TMEM135: variants seen among roughly 807,000 people sequenced by gnomAD.
The protein encoded by TMEM135 is transmembrane protein 135.
A neutral mutation model predicts 60.3 loss-of-function variants in TMEM135; 30 were observed. That is an observed-to-expected ratio of 0.50 (90% CI 0.37 to 0.68). The LOEUF (loss-of-function observed/expected upper bound fraction) is 0.68. Ranked by LOEUF, TMEM135 falls within the 30% of genes least tolerant of loss-of-function variation. The pLI, the probability that TMEM135 is intolerant of heterozygous loss-of-function variation, is 0.00. For synonymous variants in TMEM135, 190 were observed against 186.7 expected (o/e 1.02, Z -0.14); for missense variants, 468 against 548.8 (o/e 0.85, Z 1.47).
At chr11:87,187,314 A>G (rs1323820557) in intron 5 of TMEM135, among the ~76,000 whole-genome samples, 5 of 152,216 alleles carry the variant, frequency 3.3e-5, no homozygotes, top group Non-Finnish European at 7.3e-5. Context: ...ATGTGTACTA[A>G]GTTGACCATG....
chr11:87,281,915 T>C (rs571004634), intron 6 of TMEM135, among the ~76,000 whole-genome samples: 21 of 152,386 alleles, frequency 1.4e-4, no homozygotes, highest in Admixed American at 1.2e-3. Context: ...TTGTTTGACA[T>C]GTAGCGTGAG....
At chr11:87,218,096 A>T (rs1940540672) in intron 5 of TMEM135, among the ~76,000 whole-genome samples, 1 of 152,060 alleles carries the variant, frequency 6.6e-6, no homozygotes, top group East Asian at 1.9e-4. Flanking sequence ...ATTGGTGGGG[A>T]TGGCAGAGGG....
In TMEM135 at chr11:87,194,041, C is replaced by A. The variant is rs566037022; in HGVS notation, c.462+36635C>A. Among the ~76,000 whole-genome samples, 6 of 152,076 alleles carry A rather than the reference C, an allele frequency of 3.9e-5. No individual in the cohort carries two copies. The South Asian group carries it at 1.2e-3, about 32-fold the overall frequency. On this transcript the variant is annotated intron_variant, in intron 5 of 14. Coordinates refer to ENST00000305494, the MANE Select transcript of TMEM135 (RefSeq NM_022918.4). ...GACATTCATGTTTATTCTTTAAAAT[C>A]TTCATAAAATGTTTTGAATCAGTTA... is the stretch of plus-strand genomic sequence containing the variant.
intron 3 of TMEM135, among the ~76,000 whole-genome samples, chr11:87,075,049 C>T (rs2135146460): frequency 6.6e-6 from 1 of 152,292 alleles, no homozygotes; most frequent in South Asian, 2.1e-4. Context: ...AAGAGATCCT[C>T]TTGCCTTAAC....
intron 1 of TMEM135, among the ~76,000 whole-genome samples, chr11:87,042,645 T>G (rs1433216113): frequency 6.6e-6 from 1 of 152,162 alleles, no homozygotes; most frequent in Non-Finnish European, 1.5e-5. Context: ...GAAGGAAGAT[T>G]TTTATCAAGA....
At chr11:87,136,968 T>C (rs1490230519) in intron 4 of TMEM135, among the ~76,000 whole-genome samples, 1 of 152,084 alleles carries the variant, frequency 6.6e-6, no homozygotes, top group African/African-American at 2.4e-5. Flanking sequence ...TTTAGTGCAA[T>C]GCTCTATAAA....
intron 1 of TMEM135, among the ~76,000 whole-genome samples, chr11:87,044,501 A>C (rs1039948871): frequency 2.0e-5 from 3 of 152,096 alleles, no homozygotes; most frequent in Non-Finnish European, 4.4e-5. Flanking sequence ...GAGACCATGG[A>C]ATTGTAAATG....
intron 6 of TMEM135, among the ~76,000 whole-genome samples, chr11:87,238,330 T>C (rs149712531): frequency 3.2e-4 from 49 of 152,142 alleles, no homozygotes; most frequent in African/African-American, 1.1e-3. Flanking sequence ...AAAAATGTCA[T>C]ATGCAAATAA....
chr11:87,209,819 A>G (rs549156409), intron 5 of TMEM135, among the ~76,000 whole-genome samples: 41 of 152,286 alleles, frequency 2.7e-4, no homozygotes, highest in Middle Eastern at 6.8e-3. Flanking sequence ...AACACCAACC[A>G]CATTATTGGA....
At chr11:87,087,960 A>G (rs963421399) in intron 3 of TMEM135, among the ~76,000 whole-genome samples, 1 of 152,106 alleles carries the variant, frequency 6.6e-6, no homozygotes, top group African/African-American at 2.4e-5. Flanking sequence ...CTGGTCTCGA[A>G]CTGCCGATCC....
Position 87,050,563 on chromosome 11 carries a change from A to C in TMEM135, c.141+12377A>C, listed in dbSNP as rs754457742. Among the ~76,000 whole-genome samples the C allele has an allele frequency of 6.7e-5, 3 of 45,036 alleles. 1 individual carries two copies. Among genetic ancestry groups the C allele is most frequent in the Non-Finnish European group, 1.0e-4 (3 of 29,188 alleles). 29.5% of individuals were successfully genotyped at this position (45,036 alleles called of 152,430 possible). On this transcript the variant is annotated intron_variant, in intron 1 of 14. Transcript: ENST00000305494. ...TCTACGCAAATAAACTAGAAAATCTAGAAGAAATGGATACATTCCTCCACA... is the reference window on the plus strand; with the variant it reads ...TCTACGCAAATAAACTAGAAAATCTCGAAGAAATGGATACATTCCTCCACA...
chr11:87,136,607 A>G (rs1466729493), intron 4 of TMEM135, among the ~76,000 whole-genome samples: 2 of 151,888 alleles, frequency 1.3e-5, no homozygotes, highest in East Asian at 3.9e-4. Flanking sequence ...AGAATTTATG[A>G]GTGAAGCAAT....
intron 5 of TMEM135, among the ~76,000 whole-genome samples, chr11:87,230,474 A>T (rs908782498): frequency 6.6e-6 from 1 of 152,138 alleles, no homozygotes; most frequent in Admixed American, 6.6e-5. Flanking sequence ...TAGTCACACT[A>T]TTAGGCTTTA....
chr11:87,108,008 GC>G (rs1294767850), intron 4 of TMEM135, among the ~76,000 whole-genome samples: 7 of 152,156 alleles, frequency 4.6e-5, no homozygotes, highest in African/African-American at 1.7e-4. Flanking sequence ...TTCTCTGATG[GC>G]CAGTAATGAT....
chr11:87,314,536 A>AGG lies in TMEM135; in HGVS notation c.1066_1067insGG (p.Lys356ArgfsTer4), dbSNP rs1439814897. 1.2e-6 allele frequency: 2 copies of AGG among 1,610,758 alleles called. No homozygotes were observed. Among genetic ancestry groups the AGG allele is most frequent in the Admixed American group, 3.3e-5 (2 of 59,812 alleles). On this transcript the variant is annotated frameshift_variant, in exon 12 of 15. Transcript: ENST00000305494. LOFTEE classifies it high-confidence loss of function. ...AACAATTTCCATGTATTTAGCGTCC[A>AGG]AATTGGTAGAGGTAAGCGAAATTTT...
At chr11:87,145,779 T>C (rs544316683) in intron 4 of TMEM135, among the ~76,000 whole-genome samples, 2 of 152,352 alleles carry the variant, frequency 1.3e-5, no homozygotes, top group South Asian at 4.1e-4. Flanking sequence ...AATTGAATTT[T>C]TTGTTTTCTT....
chr11:87,182,933 TTAGA>T (rs923389460), intron 5 of TMEM135, among the ~76,000 whole-genome samples: 2 of 152,000 alleles, frequency 1.3e-5, no homozygotes, highest in African/African-American at 4.8e-5. Context: ...TAGTATGGTA[TTAGA>T]TAGAATTTTT....
In TMEM135 at chr11:87,327,564, G is replaced by C. The variant is rs1202773016; in HGVS notation, c.*6231G>C. The C allele has an allele frequency of 2.2e-6, 1 of 451,758 alleles. No homozygotes were observed. The highest frequency in any genetic ancestry group is 4.4e-6 in the Non-Finnish European group (1 of 225,564). 28.0% of individuals were successfully genotyped at this position (451,758 alleles called of 1,614,324 possible). On this transcript the variant is annotated 3_prime_UTR_variant, in exon 15 of 15. Coordinates refer to ENST00000305494, the MANE Select transcript of TMEM135 (RefSeq NM_022918.4). ...TATGAGAGGGATAGAGAGAGACACA[G>C]AGAGAGATATGAGAGGGGATTAAGG...
At chr11:87,056,617 A>T (rs937238720) in intron 1 of TMEM135, among the ~76,000 whole-genome samples, 1 of 152,218 alleles carries the variant, frequency 6.6e-6, no homozygotes, top group Non-Finnish European at 1.5e-5. Flanking sequence ...ACCTTTTAAC[A>T]TTGGCTTTAT....
Sources: gnomAD v4.1 joint callset for allele counts (sites outside exome capture counted in the v4.1 genomes callset) on GRCh38, gnomAD v4.1.1 for gene constraint, MANE v1.5 for transcripts, NCBI Gene and HGNC (gene_info 2026-07-23, HGNC 2026-07-21) for gene names.